SH2D4B: variants seen among roughly 807,000 people sequenced by gnomAD.
SH2D4B encodes the protein SH2 domain containing 4B.
A neutral mutation model predicts 61.5 loss-of-function variants in SH2D4B; 45 were observed. The ratio of observed to expected loss-of-function variants is 0.73; its 90% CI spans 0.58 to 0.94. SH2D4B has a LOEUF of 0.94. Ranked by LOEUF, SH2D4B falls within the 40% of genes least tolerant of loss-of-function variation. The pLI, the probability that SH2D4B is intolerant of heterozygous loss-of-function variation, is 0.00. For missense variants in SH2D4B, 572 were observed against 574.2 expected (o/e 1.00, Z 0.04); for synonymous variants, 224 against 220.4 (o/e 1.02, Z -0.14).
intron 6 of SH2D4B, among the ~76,000 whole-genome samples, chr10:80,625,159 A>G (rs1169425404): frequency 6.6e-6 from 1 of 152,010 alleles, no homozygotes; most frequent in African/African-American, 2.4e-5. Context: ...TGCTTTTCTC[A>G]TGCTTCATTG....
At chr10:80,573,294 A>G (rs1842086382) in intron 3 of SH2D4B, among the ~76,000 whole-genome samples, 1 of 151,604 alleles carries the variant, frequency 6.6e-6, no homozygotes, top group Non-Finnish European at 1.5e-5. Flanking sequence ...CCTATGTTGC[A>G]AATATTTTTA....
chr10:80,639,157 G>C (rs1232626503), intron 7 of SH2D4B, among the ~76,000 whole-genome samples: 1 of 152,208 alleles, frequency 6.6e-6, no homozygotes, highest in East Asian at 1.9e-4. Flanking sequence ...GAGACAGTTT[G>C]TTGTGATTTC....
At chr10:80,620,830 T>C (rs1842711253) in intron 6 of SH2D4B, among the ~76,000 whole-genome samples, 1 of 152,226 alleles carries the variant, frequency 6.6e-6, no homozygotes, top group Non-Finnish European at 1.5e-5. Flanking sequence ...ATTCCATAAA[T>C]GCTAGTTATG....
chr10:80,542,275 G>A (rs192712650), intron 1 of SH2D4B, among the ~76,000 whole-genome samples: 39 of 152,072 alleles, frequency 2.6e-4, no homozygotes, highest in African/African-American at 8.9e-4. Context: ...ACTCCTCTCT[G>A]CTTACTCAGT....
At chr10:80,600,290 C>T (rs1842436679) in intron 4 of SH2D4B, among the ~76,000 whole-genome samples, 1 of 152,234 alleles carries the variant, frequency 6.6e-6, no homozygotes, top group Non-Finnish European at 1.5e-5. Context: ...GTTCTATTCA[C>T]CCAAGGGATT....
intron 5 of SH2D4B, among the ~76,000 whole-genome samples, chr10:80,606,591 G>A (rs1470176286): frequency 3.3e-5 from 5 of 152,166 alleles, no homozygotes; most frequent in African/African-American, 9.6e-5. Flanking sequence ...CAGGTGATCC[G>A]CCCACCTCGG....
intron 4 of SH2D4B, among the ~76,000 whole-genome samples, chr10:80,590,643 G>A (rs141181268): frequency 3.3e-5 from 5 of 152,200 alleles, no homozygotes; most frequent in Non-Finnish European, 5.9e-5. Context: ...GATGTGAGGT[G>A]TCTTCTACTG....
At chr10:80,566,090 CAAAAAAAAAAAAAAAA>C (rs60774703) in intron 1 of SH2D4B, among the ~76,000 whole-genome samples, 1 of 23,806 alleles carries the variant, frequency 4.2e-5, no homozygotes, top group African/African-American at 1.7e-4. Flanking sequence ...GACTCCGGCT[CAAAAAAAAAAAAAAAA>C]AAAAAAAAAA....
intron 7 of SH2D4B, among the ~76,000 whole-genome samples, chr10:80,641,072 T>C (rs1432388821): frequency 6.6e-6 from 1 of 152,252 alleles, no homozygotes; most frequent in Non-Finnish European, 1.5e-5. Context: ...CTGTTGGAGT[T>C]TGCTGGAGGT....
At chr10:80,554,892 C>T (rs1841809368) in intron 1 of SH2D4B, among the ~76,000 whole-genome samples, 1 of 151,348 alleles carries the variant, frequency 6.6e-6, no homozygotes, top group African/African-American at 2.4e-5. Context: ...ACCTGTAGTC[C>T]CAGCTACTCA....
At chr10:80,614,577 A>C (rs1842638835) in intron 6 of SH2D4B, among the ~76,000 whole-genome samples, 1 of 152,244 alleles carries the variant, frequency 6.6e-6, no homozygotes, top group East Asian at 1.9e-4. Flanking sequence ...TAGTAGAAGA[A>C]AGAGCATTTT....
In SH2D4B at chr10:80,603,637, C is replaced by T. The variant is rs555708078; in HGVS notation, c.702C>T (p.Asp234=). Residue 234 remains aspartate, a synonymous_variant, in exon 5 of 8, where the codon GAC becomes GAT. Transcript: ENST00000646907. ...ERSRRAQRAR[D]EYRHHSLRAI... Reference sequence around the variant, plus strand: ...GCCGCCGAGCCCAGCGCGCCCGGGACGAGTACCGACACCACTCGCTCCGTG... The same window carrying T: ...GCCGCCGAGCCCAGCGCGCCCGGGATGAGTACCGACACCACTCGCTCCGTG... 1.7e-5 allele frequency: 27 copies of T among 1,598,666 alleles called. No individual in the cohort carries two copies. The highest frequency in any genetic ancestry group is 1.4e-4 in the Admixed American group (8 of 57,398).
chr10:80,622,122 C>T (rs943086175), intron 6 of SH2D4B, among the ~76,000 whole-genome samples: 3 of 152,130 alleles, frequency 2.0e-5, no homozygotes, highest in African/African-American at 4.8e-5. Context: ...GTTCATCAGC[C>T]ATCCCTCCCC....
intron 6 of SH2D4B, among the ~76,000 whole-genome samples, chr10:80,625,965 AC>A (rs1174276324): frequency 1.3e-5 from 2 of 152,030 alleles, no homozygotes; most frequent in Non-Finnish European, 2.9e-5. Flanking sequence ...CTTTACTCTC[AC>A]CCTAAACAAA....
chr10:80,587,070 G>A (rs1396975221), intron 3 of SH2D4B, among the ~76,000 whole-genome samples: 1 of 150,628 alleles, frequency 6.6e-6, no homozygotes, highest in Non-Finnish European at 1.5e-5. Context: ...CACTCACCTC[G>A]AGGGTCCGCG....
chr10:80,545,466 C>T (rs1367639820), intron 1 of SH2D4B, among the ~76,000 whole-genome samples: 2 of 146,332 alleles, frequency 1.4e-5, no homozygotes, highest in Non-Finnish European at 2.9e-5. Flanking sequence ...TTCTTCTTCT[C>T]CTTTTTCTCC....
rs1468263671 is a variant in SH2D4B at position 80,571,528 on chromosome 10, G to A, written c.445G>A (p.Asp149Asn). The change falls in exon 3 of 8, where the codon GAC (aspartate) becomes AAC (asparagine). Residue 149 changes from aspartate to asparagine, a missense_variant. Asp to Asn is a conservative substitution (Grantham distance 23). Transcript: ENST00000646907. ...LAEKWKVEME[D>N]RKAAKVLEER... ...GGAGAAGTGGAAAGTGGAGATGGAA[G>A]ACCGCAAGGCTGCCAAAGTCCTGGA... 2 of 1,613,990 alleles carry A rather than the reference G, an allele frequency of 1.2e-6. No individual in the cohort carries two copies. Among genetic ancestry groups the A allele is most frequent in the African/African-American group, 2.7e-5 (2 of 74,918 alleles).
Position 80,644,187 on chromosome 10 carries a change from T to A in SH2D4B, c.*102T>A. ...TATGGCCTTCTGGAAGATCCACCACTATCCAAAGGAAAAAGTAGATTAATA... is the reference window on the plus strand; with the variant it reads ...TATGGCCTTCTGGAAGATCCACCACAATCCAAAGGAAAAAGTAGATTAATA... On this transcript the variant is annotated 3_prime_UTR_variant, in exon 8 of 8. Coordinates refer to ENST00000646907, the MANE Select transcript of SH2D4B (RefSeq NM_001388272.1). 1 of 890,758 alleles carries A rather than the reference T, an allele frequency of 1.1e-6. No homozygotes were observed. Among genetic ancestry groups the A allele is most frequent in the Non-Finnish European group, 1.8e-6 (1 of 559,944 alleles). 55.2% of individuals were successfully genotyped at this position (890,758 alleles called of 1,614,324 possible). A position where few individuals can be genotyped will look rare whatever the true frequency, so the allele number is the denominator to read the frequency against.
At chr10:80,641,262 T>G (rs1840301807) in intron 7 of SH2D4B, among the ~76,000 whole-genome samples, 1 of 152,254 alleles carries the variant, frequency 6.6e-6, no homozygotes, top group African/African-American at 2.4e-5. Flanking sequence ...GGTATCCACT[T>G]GAGGAGGCAG....
Sources: allele counts gnomAD v4.1 joint callset (sites outside exome capture counted in the v4.1 genomes callset), GRCh38; gene constraint gnomAD v4.1.1; transcripts MANE v1.5; gene names NCBI Gene and HGNC (gene_info 2026-07-23, HGNC 2026-07-21).